Variants in HEG1 observed in about 807,000 individuals in gnomAD.
HEG1 encodes the protein heart development protein with EGF like domains 1.
A neutral mutation model predicts 125.6 loss-of-function variants in HEG1; 56 were observed. That is an observed-to-expected ratio of 0.45 (90% CI 0.36 to 0.56). The LOEUF (loss-of-function observed/expected upper bound fraction) is 0.56, where lower values mean the gene tolerates loss of function less well. Among genes scored for constraint, HEG1 ranks in the 20% least tolerant of loss-of-function variants. The probability of loss-of-function intolerance (pLI) is 0.00; values close to 1 mark genes in which losing one functional copy is unlikely to be tolerated. For missense variants in HEG1, 1,523 were observed against 1,670.0 expected (o/e 0.91, Z 1.53); for synonymous variants, 644 against 668.5 (o/e 0.96, Z 0.57).
chr3:125,035,040 C>T (rs995644343), intron 1 of HEG1, among the ~76,000 whole-genome samples: 1 of 152,194 alleles, frequency 6.6e-6, no homozygotes, highest in Admixed American at 6.5e-5. Flanking sequence ...TCTCAGCTCA[C>T]TGCAGCCTCC....
chr3:125,004,719 A>T (rs1037599066), intron 9 of HEG1, among the ~76,000 whole-genome samples: 14 of 129,900 alleles, frequency 1.1e-4, no homozygotes, highest in African/African-American at 4.5e-4. Context: ...TTTTCTTTAA[A>T]AAAAAAAAAA....
intron 1 of HEG1, among the ~76,000 whole-genome samples, chr3:125,040,244 T>C (rs899025288): frequency 1.3e-5 from 2 of 151,968 alleles, no homozygotes; most frequent in Non-Finnish European, 2.9e-5. Flanking sequence ...GGATATGACA[T>C]ACGAAGGGAA....
Position 125,038,845 on chromosome 3 carries a change from G to A in HEG1, c.317-9357C>T, listed in dbSNP as rs530094799. On this transcript the variant is annotated intron_variant, in intron 1 of 16. Transcript: ENST00000311127. Reference sequence around the variant, plus strand: ...AGGAGACGGGATTCCTCAAGCTTCAGAGCCTGGGCCCAATGAAGTCAGGAG... The same window carrying A: ...AGGAGACGGGATTCCTCAAGCTTCAAAGCCTGGGCCCAATGAAGTCAGGAG... Among the ~76,000 whole-genome samples the A allele has an allele frequency of 3.3e-5, 5 of 152,348 alleles. No homozygotes were observed. In the East Asian group the frequency reaches 9.6e-4, roughly 29 times the overall value.
chr3:125,055,526 C>G (rs1450397042), intron 1 of HEG1, 49 bp downstream of exon 1: 1 of 1,141,898 alleles, frequency 8.8e-7, no homozygotes, highest in African/African-American at 1.6e-5. Context: ...GGCGCGCCCA[C>G]GCCCCCAGCA....
At chr3:125,011,895 T>C (rs1322204698) in intron 6 of HEG1, among the ~76,000 whole-genome samples, 3 of 152,236 alleles carry the variant, frequency 2.0e-5, no homozygotes, top group Non-Finnish European at 4.4e-5. Flanking sequence ...GTTCCTTAAA[T>C]GACAAAGGAT....
intron 3 of HEG1, among the ~76,000 whole-genome samples, chr3:125,022,396 C>CGAGAGAGA (rs10565452): frequency 0.018 from 2,560 of 142,692 alleles, 52 homozygotes; most frequent in African/African-American, 0.043. Context: ...ATCACTACAG[C>CGAGAGAGA]GAGAGAGAGA....
At chr3:124,987,340 C>CT (rs1311198695) in intron 14 of HEG1, among the ~76,000 whole-genome samples, 1 of 152,154 alleles carries the variant, frequency 6.6e-6, no homozygotes, top group African/African-American at 2.4e-5. Context: ...CTCCTGCTCC[C>CT]TGGCTCACCC....
At position 125,013,699 on chromosome 3, in the gene HEG1, A is replaced by G. The variant is rs749616121; in HGVS notation, c.1880T>C (p.Val627Ala). The change falls in exon 6 of 17, where the codon GTT (valine) becomes GCT (alanine). Residue 627 changes from valine (V) to alanine (A), a missense_variant. Val to Ala is a moderately conservative substitution (Grantham distance 64, BLOSUM62 0). Transcript: ENST00000311127. Reference protein sequence around the residue: ...EYAQPSTESPVLHTSNLPSYT... With the variant: ...EYAQPSTESPALHTSNLPSYT... ...GGACGGAAGGTTGGATGTATGCAGAACTGGCGACTCAGTAGAAGGCTGAGC... is the reference window on the plus strand; with the variant it reads ...GGACGGAAGGTTGGATGTATGCAGAGCTGGCGACTCAGTAGAAGGCTGAGC... 6.2e-6 allele frequency: 10 copies of G among 1,613,896 alleles called. No homozygotes were observed. In the Admixed American group the frequency reaches 1.7e-4, roughly 27 times the overall value.
chr3:125,052,406 G>A (rs562018209), intron 1 of HEG1, among the ~76,000 whole-genome samples: 21 of 152,164 alleles, frequency 1.4e-4, no homozygotes, highest in Non-Finnish European at 2.4e-4. Flanking sequence ...AGCTCAAAGC[G>A]CTTCCTTTCC....
intron 14 of HEG1, among the ~76,000 whole-genome samples, chr3:124,982,985 A>G (rs1936679072): frequency 6.6e-6 from 1 of 152,210 alleles, no homozygotes; most frequent in South Asian, 2.1e-4. Flanking sequence ...GAGAGCCTGC[A>G]TACAGATACA....
Position 125,013,250 on chromosome 3 carries a change from C to G in HEG1, c.2329G>C (p.Asp777His). The G allele has an allele frequency of 6.2e-7, 1 of 1,613,944 alleles. No individual in the cohort carries two copies. The highest frequency in any genetic ancestry group is 8.5e-7 in the Non-Finnish European group (1 of 1,179,874). ...MTMLHSSQTA[D>H]LKSQSTPHQE... ...TGTGGGGTGCTCTGGCTCTTAAGGT[C>G]TGCAGTTTGACTACTATGGAGCATT... The change falls in exon 6 of 17, where the codon GAC (aspartate) becomes CAC (histidine). Residue 777 changes from aspartate (D) to histidine (H), a missense_variant. Asp to His is a moderately conservative substitution (Grantham distance 81). Transcript: ENST00000311127.
At chr3:124,976,080 A>G (rs1040549297) in intron 15 of HEG1, among the ~76,000 whole-genome samples, 3 of 152,142 alleles carry the variant, frequency 2.0e-5, no homozygotes, top group East Asian at 1.9e-4. Context: ...TAACTTTCAG[A>G]CTTTTTCAAA....
At chr3:125,012,578 G>T (rs1193973317) in intron 6 of HEG1, 45 bp downstream of exon 6, 23 of 1,559,328 alleles carry the variant, frequency 1.5e-5, no homozygotes, top group Non-Finnish European at 1.9e-5. Flanking sequence ...CTCAGTGCTG[G>T]ACTGGGCCTT....
chr3:125,001,645 G>C (rs1937000576), intron 11 of HEG1, among the ~76,000 whole-genome samples: 1 of 152,216 alleles, frequency 6.6e-6, no homozygotes, highest in South Asian at 2.1e-4. Flanking sequence ...TTGTGTACAG[G>C]ACTCTGGGTG....
intron 13 of HEG1, 43 bp downstream of exon 13, chr3:124,990,901 T>A (rs1444664109): frequency 6.4e-7 from 1 of 1,553,172 alleles, no homozygotes; most frequent in East Asian, 2.4e-5. Context: ...TTTATCTAAA[T>A]AAGATTTGTA....
rs1937014837 is a variant in HEG1, at chr3:125,002,408, T to C, written c.3298-93A>G. 6.2e-6 allele frequency: 7 copies of C among 1,134,154 alleles called. No homozygotes were observed. The Admixed American group carries it at 8.4e-5, about 14-fold the overall frequency. The allele number at this position is 1,134,154 out of a possible 1,614,324, so 70.3% of individuals were successfully genotyped here. On this transcript the variant is annotated intron_variant, in intron 9 of 16. Coordinates refer to ENST00000311127, the MANE Select transcript of HEG1 (RefSeq NM_020733.2). ...CCTATTTTCAGGATAAAACAGGCAT[T>C]TTCCAGCCATCAAGTTATCAGCACG...
intron 14 of HEG1, among the ~76,000 whole-genome samples, chr3:124,990,407 T>C (rs7644716): frequency 0.69 from 103,805 of 151,212 alleles, 35,694 homozygotes; most frequent in Middle Eastern, 0.75. Context: ...GGCGTGATCT[T>C]GGCTCACTGC....
At chr3:125,031,040 AG>A (rs1316845589) in intron 1 of HEG1, among the ~76,000 whole-genome samples, 1 of 152,204 alleles carries the variant, frequency 6.6e-6, no homozygotes, top group Admixed American at 6.5e-5. Flanking sequence ...GGTGGCAAAG[AG>A]GGTATTAGTT....
chr3:125,052,345 C>T (rs962177404), intron 1 of HEG1, among the ~76,000 whole-genome samples: 25 of 152,168 alleles, frequency 1.6e-4, no homozygotes, highest in Non-Finnish European at 3.4e-4. Context: ...AGTTGGCCCA[C>T]AAAGTTAGAG....
Sources: allele counts gnomAD v4.1 joint callset (sites outside exome capture counted in the v4.1 genomes callset), GRCh38; gene constraint gnomAD v4.1.1; transcripts MANE v1.5; gene names NCBI Gene and HGNC (gene_info 2026-07-23, HGNC 2026-07-21).